Variants in CNTN4 observed in about 807,000 individuals in gnomAD.
CNTN4 encodes contactin-4.
CNTN4 carries 77 observed loss-of-function variants against 122.5 expected under a neutral mutation model. The observed-to-expected ratio is 0.63, with a 90% CI of 0.52 to 0.76. CNTN4 has a LOEUF of 0.76. Ranked by LOEUF, CNTN4 falls within the 30% of genes least tolerant of loss-of-function variation. The pLI is 0.00. For synonymous variants in CNTN4, 512 were observed against 447.0 expected (o/e 1.15, Z -1.83); for missense variants, 1,256 against 1,259.1 (o/e 1.00, Z 0.04).
intron 3 of CNTN4, among the ~76,000 whole-genome samples, chr3:2,405,375 G>T (rs1019503879): frequency 4.6e-5 from 7 of 151,976 alleles, no homozygotes; most frequent in African/African-American, 1.5e-4. Flanking sequence ...TTCAAATCTG[G>T]GGTAGCTATA....
intron 3 of CNTN4, among the ~76,000 whole-genome samples, chr3:2,380,927 ACT>A (rs982781240): frequency 1.3e-5 from 2 of 151,968 alleles, no homozygotes; most frequent in Non-Finnish European, 2.9e-5. Flanking sequence ...TGAATTCAAC[ACT>A]GTTATTTTCT....
rs577955722 is a variant in CNTN4, at chr3:2,258,656, C to T, written c.-144-80522C>T. ...CTCTGAACTTCCTGAATTGCAAATC[C>T]TGTATTCAATAATTTCATGCATGCA... is the stretch of plus-strand genomic sequence containing the variant. On this transcript the variant is annotated intron_variant, in intron 2 of 24. Transcript: ENST00000418658. Among the ~76,000 whole-genome samples, 5 of 152,222 alleles carry T rather than the reference C, an allele frequency of 3.3e-5. No individual in the cohort carries two copies. In the Middle Eastern group the frequency reaches 0.014, roughly 414 times the overall value.
At chr3:2,759,604 G>A (rs1035790910) in intron 6 of CNTN4, among the ~76,000 whole-genome samples, 6 of 150,672 alleles carry the variant, frequency 4.0e-5, no homozygotes, top group South Asian at 4.2e-4. Context: ...GTTTTTTTGC[G>A]GACACATGTA....
At chr3:2,751,018 A>T (rs997931235) in intron 6 of CNTN4, among the ~76,000 whole-genome samples, 5 of 152,086 alleles carry the variant, frequency 3.3e-5, no homozygotes, top group Non-Finnish European at 5.9e-5. Flanking sequence ...AAGGATGCTT[A>T]TGGCCAGGCG....
intron 2 of CNTN4, among the ~76,000 whole-genome samples, chr3:2,144,534 G>C (rs114772525): frequency 0.024 from 3,617 of 152,240 alleles, 59 homozygotes; most frequent in African/African-American, 0.043. Context: ...TCAGGGATGG[G>C]TGGCAAAGGA....
At chr3:2,208,060 C>G (rs376271926) in intron 2 of CNTN4, among the ~76,000 whole-genome samples, 3 of 152,084 alleles carry the variant, frequency 2.0e-5, no homozygotes, top group East Asian at 1.9e-4. Flanking sequence ...TTCTGCAGTT[C>G]ATTGATCAAG....
intron 3 of CNTN4, among the ~76,000 whole-genome samples, chr3:2,550,334 C>G (rs930057369): frequency 6.6e-6 from 1 of 151,988 alleles, no homozygotes; most frequent in African/African-American, 2.4e-5. Context: ...ATGCGGCCAA[C>G]AAACATATGA....
At chr3:2,331,647 G>A (rs1380385420) in intron 2 of CNTN4, among the ~76,000 whole-genome samples, 2 of 152,142 alleles carry the variant, frequency 1.3e-5, no homozygotes, top group African/African-American at 4.8e-5. Context: ...CTGAATGTGT[G>A]TTCCAAGCTA....
intron 2 of CNTN4, among the ~76,000 whole-genome samples, chr3:2,195,824 G>T (rs895884250): frequency 1.3e-5 from 2 of 152,178 alleles, no homozygotes; most frequent in African/African-American, 4.8e-5. Context: ...AGTTTGGCTT[G>T]AAGCAGCCTA....
At chr3:3,020,578 C>T (rs1322329456) in intron 14 of CNTN4, among the ~76,000 whole-genome samples, 3 of 152,084 alleles carry the variant, frequency 2.0e-5, no homozygotes, top group Admixed American at 6.6e-5. Context: ...TCTCTGAGGG[C>T]GCCCACCTCC....
chr3:2,599,370 G>A (rs771111284), intron 4 of CNTN4, among the ~76,000 whole-genome samples: 1 of 152,202 alleles, frequency 6.6e-6, no homozygotes, highest in Non-Finnish European at 1.5e-5. Context: ...CTGAGCTGTT[G>A]ACTAACATGT....
intron 14 of CNTN4, among the ~76,000 whole-genome samples, chr3:3,003,000 G>A (rs528930970): frequency 2.2e-4 from 34 of 152,222 alleles, no homozygotes; most frequent in Admixed American, 2.2e-3. Flanking sequence ...GGTTTGCCTC[G>A]ATCTTCATAT....
chr3:2,272,612 C>T (rs1194844117), intron 2 of CNTN4, among the ~76,000 whole-genome samples: 2 of 152,092 alleles, frequency 1.3e-5, no homozygotes, highest in Non-Finnish European at 2.9e-5. Flanking sequence ...ATGAAAACCT[C>T]ATTATTCTTT....
At chr3:2,209,990 A>T (rs917500273) in intron 2 of CNTN4, among the ~76,000 whole-genome samples, 1 of 152,116 alleles carries the variant, frequency 6.6e-6, no homozygotes, top group Non-Finnish European at 1.5e-5. Context: ...TTATTATCAA[A>T]GCATAGCCTA....
At chr3:2,180,764 A>G (rs565939817) in intron 2 of CNTN4, among the ~76,000 whole-genome samples, 1 of 152,104 alleles carries the variant, frequency 6.6e-6, no homozygotes, top group Non-Finnish European at 1.5e-5. Context: ...CTTTGGGGAT[A>G]ACTGAGTGAC....
At chr3:2,470,410 A>G (rs1477744129) in intron 3 of CNTN4, among the ~76,000 whole-genome samples, 1 of 152,106 alleles carries the variant, frequency 6.6e-6, no homozygotes, top group East Asian at 1.9e-4. Context: ...GTTATTGGAT[A>G]GTTTTACGCT....
rs991674767 is a variant in CNTN4, at chr3:2,658,984, A to G, written c.56-77231A>G. On this transcript the variant is annotated intron_variant, in intron 4 of 24. Transcript: ENST00000418658. ...CAAACAGACACACACACACACACACACACACACACACACACACACACACAC... is the reference window on the plus strand; with the variant it reads ...CAAACAGACACACACACACACACACGCACACACACACACACACACACACAC... Among the ~76,000 whole-genome samples the G allele has an allele frequency of 2.8e-3, 416 of 148,284 alleles. 3 individuals carry two copies. The highest frequency in any genetic ancestry group is 0.01 in the African/African-American group (397 of 38,230).
At chr3:2,706,014 AT>A (rs2086712335) in intron 4 of CNTN4, among the ~76,000 whole-genome samples, 2 of 141,038 alleles carry the variant, frequency 1.4e-5, no homozygotes, top group African/African-American at 5.2e-5. Flanking sequence ...ATAAATATAT[AT>A]AAATATACAT....
intron 17 of CNTN4, among the ~76,000 whole-genome samples, chr3:3,036,002 A>AT (rs1163549272): frequency 2.0e-5 from 3 of 151,430 alleles, no homozygotes; most frequent in Admixed American, 6.6e-5. Flanking sequence ...AGCACTTCCT[A>AT]TTTTTTAAAA....
Sources: allele counts gnomAD v4.1 joint callset (sites outside exome capture counted in the v4.1 genomes callset), GRCh38; gene constraint gnomAD v4.1.1; transcripts MANE v1.5; gene names NCBI Gene and HGNC (gene_info 2026-07-23, HGNC 2026-07-21).